GRIP1: variants seen among roughly 807,000 people sequenced by gnomAD.
The protein encoded by GRIP1 is glutamate receptor-interacting protein 1.
A neutral mutation model predicts 129.9 loss-of-function variants in GRIP1; 45 were observed. The observed-to-expected ratio is 0.35, with a 90% CI of 0.27 to 0.44. The LOEUF is 0.44. GRIP1 is among the 20% of genes least tolerant of loss of function. The pLI, the probability that GRIP1 is intolerant of heterozygous loss-of-function variation, is 1.00. For missense variants in GRIP1, 1,196 were observed against 1,396.8 expected, an observed-to-expected ratio of 0.86 and a Z score of 2.29; for synonymous variants, 530 against 520.8, an observed-to-expected ratio of 1.02 and a Z score of -0.24.
chr12:66,351,008 CACTCATAG>C, intron 24 of GRIP1, among the ~76,000 whole-genome samples: 1 of 152,168 alleles, frequency 6.6e-6, no homozygotes. Context: ...ATTAGGAAGA[CACTCATAG>C]AAGGTAAGTA....
At chr12:66,962,651 G>A (rs939504704) in intron 1 of GRIP1, among the ~76,000 whole-genome samples, 1 of 151,990 alleles carries the variant, frequency 6.6e-6, no homozygotes, top group African/African-American at 2.4e-5. Context: ...AATGTGCAGG[G>A]GTCCAGGACT....
chr12:66,696,946 T>C (rs2035187199), intron 1 of GRIP1, among the ~76,000 whole-genome samples: 1 of 152,190 alleles, frequency 6.6e-6, no homozygotes, highest in Non-Finnish European at 1.5e-5. Context: ...AATGTTCTAC[T>C]TCAGTGGTTT....
intron 19 of GRIP1, among the ~76,000 whole-genome samples, chr12:66,383,506 A>T (rs1453259612): frequency 6.6e-6 from 1 of 152,100 alleles, no homozygotes; most frequent in East Asian, 1.9e-4. Context: ...TCCCCATAGG[A>T]GGAATGTGAT....
At chr12:66,501,536 T>C (rs12813874) in intron 7 of GRIP1, among the ~76,000 whole-genome samples, 69,671 of 151,892 alleles carry the variant, frequency 0.46, 16,230 homozygotes, top group African/African-American at 0.53. Context: ...TAGCACTCTA[T>C]AAAAGATGGC....
At chr12:66,390,167 C>G (rs1248980815) in intron 19 of GRIP1, among the ~76,000 whole-genome samples, 2 of 152,132 alleles carry the variant, frequency 1.3e-5, no homozygotes, top group Non-Finnish European at 2.9e-5. Context: ...CGTGTCTTGG[C>G]GTGCAGTGAG....
intron 2 of GRIP1, among the ~76,000 whole-genome samples, chr12:66,567,265 G>T (rs930404033): frequency 4.6e-5 from 7 of 152,100 alleles, no homozygotes; most frequent in African/African-American, 1.7e-4. Flanking sequence ...GGCATTTAAC[G>T]CTATAAATTT....
At chr12:66,869,256 A>G (rs988414757) in intron 1 of GRIP1, among the ~76,000 whole-genome samples, 12 of 151,954 alleles carry the variant, frequency 7.9e-5, no homozygotes, top group Admixed American at 7.9e-4. Context: ...AGTAAGCACC[A>G]CTGCTGGGTA....
At chr12:66,708,068 A>G (rs1055419376) in intron 1 of GRIP1, among the ~76,000 whole-genome samples, 27 of 152,024 alleles carry the variant, frequency 1.8e-4, no homozygotes, top group African/African-American at 5.8e-4. Flanking sequence ...TTAATAGTCT[A>G]AAAGGACATC....
Position 66,932,406 on chromosome 12 carries a change from A to G in GRIP1, c.58+136644T>C, listed in dbSNP as rs564161311. The stretch of plus-strand genomic sequence containing the variant: ...CTATCACTCTATGAACTAATTCCTA[A>G]CCTGCAAAGAAATCATCATGATCAT... On this transcript the variant is annotated intron_variant, in intron 1 of 1. Transcript: ENST00000643019. Among the ~76,000 whole-genome samples the G allele has an allele frequency of 1.3e-3, 195 of 152,268 alleles. 2 individuals carry two copies. Among genetic ancestry groups the G allele is most frequent in the African/African-American group, 4.5e-3 (187 of 41,548 alleles).
intron 1 of GRIP1, among the ~76,000 whole-genome samples, chr12:67,051,700 G>A (rs2043349000): frequency 1.3e-5 from 2 of 152,320 alleles, no homozygotes; most frequent in Admixed American, 1.3e-4. Flanking sequence ...TCCAGTAGCA[G>A]AAGAGATCTG....
chr12:67,011,155 GA>G (rs1243268626), intron 1 of GRIP1, among the ~76,000 whole-genome samples: 1 of 152,054 alleles, frequency 6.6e-6, no homozygotes, highest in Non-Finnish European at 1.5e-5. Context: ...CTCCAAAACT[GA>G]AATCATCATC....
chr12:66,726,873 A>G (rs2036272072), intron 1 of GRIP1, among the ~76,000 whole-genome samples: 1 of 152,240 alleles, frequency 6.6e-6, no homozygotes, highest in African/African-American at 2.4e-5. Flanking sequence ...GAGGCAAAGC[A>G]AATTTCCTCA....
intron 2 of GRIP1, among the ~76,000 whole-genome samples, chr12:66,549,372 C>T (rs1268134702): frequency 6.6e-6 from 1 of 152,194 alleles, no homozygotes; most frequent in African/African-American, 2.4e-5. Flanking sequence ...ATTAATTGTA[C>T]CAATGCCTTA....
At chr12:66,690,488 G>C (rs943368248) in intron 1 of GRIP1, among the ~76,000 whole-genome samples, 1 of 151,696 alleles carries the variant, frequency 6.6e-6, no homozygotes, top group Non-Finnish European at 1.5e-5. Context: ...AACACGGAGG[G>C]TACAGGTGTC....
At chr12:67,045,234 G>A (rs765465567) in intron 1 of GRIP1, among the ~76,000 whole-genome samples, 2 of 152,108 alleles carry the variant, frequency 1.3e-5, no homozygotes, top group Non-Finnish European at 2.9e-5. Context: ...GAAGTAATTA[G>A]TCAGCAAAAT....
chr12:66,393,115 C>T (rs976484215), intron 17 of GRIP1, among the ~76,000 whole-genome samples: 3 of 146,238 alleles, frequency 2.1e-5, no homozygotes, highest in Admixed American at 6.9e-5. Context: ...AGAAAATGAA[C>T]AATGTTGAAT....
intron 4 of GRIP1, among the ~76,000 whole-genome samples, chr12:66,537,221 C>T (rs368943739): frequency 4.3e-4 from 66 of 152,204 alleles, no homozygotes; most frequent in South Asian, 1.5e-3. Context: ...TAATAATATT[C>T]GCATTTTACA....
intron 2 of GRIP1, among the ~76,000 whole-genome samples, chr12:66,582,236 G>A (rs1157754424): frequency 1.4e-5 from 2 of 147,192 alleles, no homozygotes; most frequent in Non-Finnish European, 3.0e-5. Flanking sequence ...CAATAAATTA[G>A]GTATTGATGG....
intron 1 of GRIP1, among the ~76,000 whole-genome samples, chr12:66,659,204 C>T (rs1291388872): frequency 2.6e-5 from 4 of 152,190 alleles, no homozygotes; most frequent in Non-Finnish European, 4.4e-5. Flanking sequence ...TTTCAAATAG[C>T]GCTTTCCCCC....
Sources: gnomAD v4.1 joint callset for allele counts (sites outside exome capture counted in the v4.1 genomes callset) on GRCh38, gnomAD v4.1.1 for gene constraint, MANE v1.5 for transcripts, NCBI Gene and HGNC (gene_info 2026-07-23, HGNC 2026-07-21) for gene names.